The following THSD7B variants were observed in gnomAD, a reference collection of about 807,000 sequenced individuals.
THSD7B encodes thrombospondin type 1 domain containing 7B.
Under a neutral mutation model 213.6 loss-of-function variants are expected in THSD7B, and 138 were observed. That is an observed-to-expected ratio of 0.65 (90% confidence interval 0.56 to 0.74). THSD7B has a LOEUF of 0.74. THSD7B is among the 30% of genes least tolerant of loss of function. The pLI, the probability that THSD7B is intolerant of heterozygous loss-of-function variation, is 0.00. For missense variants in THSD7B, 1,931 were observed against 1,991.5 expected (o/e 0.97, Z 0.58); for synonymous variants, 742 against 687.0 (o/e 1.08, Z -1.25).
intron 21 of THSD7B, among the ~76,000 whole-genome samples, chr2:137,649,638 A>G (rs180920313): frequency 2.0e-5 from 3 of 152,312 alleles, no homozygotes; most frequent in East Asian, 1.9e-4. Context: ...TATCATGCAT[A>G]TAAGTCTGAG....
At chr2:136,773,874 G>A (rs981317999) in intron 1 of THSD7B, among the ~76,000 whole-genome samples, 3 of 151,076 alleles carry the variant, frequency 2.0e-5, no homozygotes, top group African/African-American at 7.3e-5. Flanking sequence ...TTTAGATACC[G>A]GCATGGATAA....
chr2:137,625,080 G>T (rs1413645917), intron 20 of THSD7B, among the ~76,000 whole-genome samples: 4 of 152,086 alleles, frequency 2.6e-5, no homozygotes, highest in Non-Finnish European at 5.9e-5. Context: ...CAACCCAAAT[G>T]TCCATCAATG....
At position 137,289,207 on chromosome 2, in the gene THSD7B, A is replaced by C. The variant is rs551871677; in HGVS notation, c.2500+13181A>C. On this transcript the variant is annotated intron_variant, in intron 12 of 27. Coordinates refer to ENST00000409968, the MANE Select transcript of THSD7B (RefSeq NM_001316349.2). ...TAAGTGAGTGGAAATTAGTGGAGAG[A>C]TTCATTGTTATATGAATAAAAGGGT... Among the ~76,000 whole-genome samples, 11 of 152,024 alleles carry C rather than the reference A, an allele frequency of 7.2e-5. No homozygotes were observed. The South Asian group carries it at 2.3e-3, about 32-fold the overall frequency.
At chr2:136,944,102 A>C (rs1168734713) in intron 2 of THSD7B, among the ~76,000 whole-genome samples, 2 of 152,148 alleles carry the variant, frequency 1.3e-5, no homozygotes, top group Non-Finnish European at 2.9e-5. Flanking sequence ...TATTGGTTTC[A>C]AAAAACATTT....
chr2:137,416,782 G>A (rs1686808400), intron 14 of THSD7B, among the ~76,000 whole-genome samples: 1 of 152,216 alleles, frequency 6.6e-6, no homozygotes, highest in Non-Finnish European at 1.5e-5. Context: ...AACACAAAGA[G>A]CACAGAAAAC....
intron 12 of THSD7B, among the ~76,000 whole-genome samples, chr2:137,301,975 G>A (rs1341894658): frequency 6.6e-6 from 1 of 152,028 alleles, no homozygotes; most frequent in Admixed American, 6.6e-5. Flanking sequence ...AAAGACCCAA[G>A]CAAGGACACC....
At chr2:136,950,205 T>C (rs906243169) in intron 2 of THSD7B, among the ~76,000 whole-genome samples, 15 of 152,126 alleles carry the variant, frequency 9.9e-5, no homozygotes, top group African/African-American at 3.4e-4. Context: ...TGAGCCGAGA[T>C]TGTGCCACTG....
At chr2:137,474,497 A>T (rs1470564276) in intron 15 of THSD7B, among the ~76,000 whole-genome samples, 2 of 152,178 alleles carry the variant, frequency 1.3e-5, no homozygotes, top group Non-Finnish European at 2.9e-5. Context: ...GGAATGCTAG[A>T]TGTCTCACAA....
rs929019600 is a variant in THSD7B, at chr2:137,108,791, G to A, written c.1200-6333G>A. Reference sequence around the variant, plus strand: ...AGACTTAAATTATAAACTAAACATAGAGAAATTGGGCAATGAGTATCAGGC... The same window carrying A: ...AGACTTAAATTATAAACTAAACATAAAGAAATTGGGCAATGAGTATCAGGC... On this transcript the variant is annotated intron_variant, in intron 4 of 27. Transcript: ENST00000409968. 2.6e-5 allele frequency among the ~76,000 whole-genome samples: 4 copies of A among 152,168 alleles called. No homozygotes were observed. The East Asian group carries it at 5.8e-4, about 22-fold the overall frequency.
intron 5 of THSD7B, among the ~76,000 whole-genome samples, chr2:137,157,340 G>A (rs1178748354): frequency 6.6e-6 from 1 of 152,200 alleles, no homozygotes; most frequent in Non-Finnish European, 1.5e-5. Flanking sequence ...GAGGGACACT[G>A]AGAAGTGGCC....
At chr2:137,576,359 C>T (rs73958897) in intron 17 of THSD7B, among the ~76,000 whole-genome samples, 36,444 of 151,918 alleles carry the variant, frequency 0.24, 4,566 homozygotes, top group South Asian at 0.35. Flanking sequence ...TTTGATTCAC[C>T]TCTAGCTGAA....
intron 1 of THSD7B, among the ~76,000 whole-genome samples, chr2:136,871,333 C>A (rs1022648985): frequency 6.6e-6 from 1 of 152,064 alleles, no homozygotes; most frequent in Non-Finnish European, 1.5e-5. Flanking sequence ...AGTCAGATCA[C>A]CTGGAGAGTG....
chr2:136,832,538 T>C (rs1682774343), intron 1 of THSD7B, among the ~76,000 whole-genome samples: 1 of 152,210 alleles, frequency 6.6e-6, no homozygotes, highest in Non-Finnish European at 1.5e-5. Context: ...ATGTAAATGC[T>C]AATTTTATCC....
At chr2:137,530,831 G>A (rs1680383099) in intron 15 of THSD7B, among the ~76,000 whole-genome samples, 1 of 151,988 alleles carries the variant, frequency 6.6e-6, no homozygotes, top group Non-Finnish European at 1.5e-5. Flanking sequence ...AAGTGACAAG[G>A]CTTGACTTCA....
At chr2:136,890,133 C>T (rs1166696326) in intron 2 of THSD7B, among the ~76,000 whole-genome samples, 1 of 152,058 alleles carries the variant, frequency 6.6e-6, no homozygotes, top group Non-Finnish European at 1.5e-5. Flanking sequence ...ACTTTTTGCA[C>T]ATTGCTACCT....
chr2:137,390,988 G>T (rs1686011136), intron 12 of THSD7B, among the ~76,000 whole-genome samples: 1 of 151,786 alleles, frequency 6.6e-6, no homozygotes, highest in South Asian at 2.1e-4. Context: ...GTGTGGTATG[G>T]GGTGTGTGTG....
At chr2:137,140,325 A>G (rs928936392) in intron 5 of THSD7B, among the ~76,000 whole-genome samples, 1 of 152,176 alleles carries the variant, frequency 6.6e-6, no homozygotes, top group Non-Finnish European at 1.5e-5. Flanking sequence ...TTAGAAAGAC[A>G]TTTAGCATGT....
In THSD7B at chr2:137,090,075, T is replaced by C. The variant is rs146033695; in HGVS notation, c.951-4798T>C. ...GTCACCAAACACCACTGTTCTCCAA[T>C]AACCTATGAAAATAAAAAAATTAAA... On this transcript the variant is annotated intron_variant, in intron 3 of 27. Coordinates refer to ENST00000409968, the MANE Select transcript of THSD7B (RefSeq NM_001316349.2). Among the ~76,000 whole-genome samples the C allele has an allele frequency of 2.0e-4, 30 of 151,620 alleles. No individual in the cohort carries two copies. In the East Asian group the frequency reaches 5.8e-3, roughly 29 times the overall value.
chr2:136,994,174 C>T (rs763787817), intron 2 of THSD7B, among the ~76,000 whole-genome samples: 2 of 152,048 alleles, frequency 1.3e-5, no homozygotes, highest in African/African-American at 4.8e-5. Flanking sequence ...ACATAATTGA[C>T]GAGGGCTGGC....
Sources: allele counts gnomAD v4.1 joint callset (sites outside exome capture counted in the v4.1 genomes callset), GRCh38; gene constraint gnomAD v4.1.1; transcripts MANE v1.5; gene names NCBI Gene and HGNC (gene_info 2026-07-23, HGNC 2026-07-21).